Variants in VCAN observed in about 807,000 individuals in gnomAD.
VCAN encodes versican, also known as versican core protein.
A neutral mutation model predicts 245.5 loss-of-function variants in VCAN; 44 were observed. The observed-to-expected ratio is 0.18, with a 90% CI of 0.14 to 0.23. The LOEUF (loss-of-function observed/expected upper bound fraction) is 0.23. Among genes scored for constraint, VCAN ranks in the 10% least tolerant of loss-of-function variants. The probability of loss-of-function intolerance (pLI) is 1.00; values close to 1 mark genes in which losing one functional copy is unlikely to be tolerated. For missense variants in VCAN, 3,793 were observed against 4,057.9 expected (o/e 0.93, Z 1.77); for synonymous variants, 1,413 against 1,437.0 (o/e 0.98, Z 0.38).
chr5:83,576,204 G>A (rs1748469257), intron 13 of VCAN, among the ~76,000 whole-genome samples: 1 of 151,922 alleles, frequency 6.6e-6, no homozygotes, highest in South Asian at 2.1e-4. Context: ...TCCCACCAGA[G>A]ATAATGACTT....
At chr5:83,575,092 A>G (rs756562552) in intron 13 of VCAN, among the ~76,000 whole-genome samples, 2 of 152,218 alleles carry the variant, frequency 1.3e-5, no homozygotes, top group African/African-American at 2.4e-5. Flanking sequence ...CTATTTGATT[A>G]ATTTGTCTTT....
rs1278357645 is a variant in VCAN, at chr5:83,537,653, G to C, written c.4650G>C (p.Glu1550Asp). 1 of 1,613,816 alleles carries C rather than the reference G, an allele frequency of 6.2e-7. No individual in the cohort carries two copies. Among genetic ancestry groups the C allele is most frequent in the East Asian group, 2.2e-5 (1 of 44,844 alleles). ...VSLFPEESSG[E>D]IAIDQESQKI... ...TGTTTCCTGAAGAGTCTTCAGGAGA[G>C]ATTGCCATTGACCAAGAATCTCAGA... Residue 1550 changes from glutamate to aspartate, a missense_variant, in exon 8 of 15, where the codon GAG becomes GAC. Physicochemically the swap from Glu to Asp is conservative, Grantham distance 45. Around this residue, in one of 5 missense-constraint regions of VCAN, gnomAD observed 3,182 missense variants for 3,250.3 expected, o/e 0.98. Coordinates refer to ENST00000265077, the MANE Select transcript of VCAN (RefSeq NM_004385.5).
Position 83,539,786 on chromosome 5 carries a change from A to G in VCAN, c.6783A>G (p.Glu2261=), listed in dbSNP as rs1380981036. The G allele has an allele frequency of 1.2e-6, 2 of 1,613,898 alleles. No homozygotes were observed. Among genetic ancestry groups the G allele is most frequent in the African/African-American group, 2.7e-5 (2 of 74,940 alleles). Residue 2261 remains glutamate, a synonymous_variant, in exon 8 of 15, where the codon GAA becomes GAG. Transcript: ENST00000265077. Reference sequence around the variant, plus strand: ...TCTCTGGACTGGGATCAGGAGAAGAAGTTTTACCTACTCTACCAACAGAGT... The same window carrying G: ...TCTCTGGACTGGGATCAGGAGAAGAGGTTTTACCTACTCTACCAACAGAGT... ...LLFSGLGSGE[E]VLPTLPTESV... is the part of the protein sequence containing the mutation.
chr5:83,548,135 G>A, intron 10 of VCAN, 51 bp downstream of exon 10: 2 of 1,456,432 alleles, frequency 1.4e-6, no homozygotes, highest in Non-Finnish European at 1.9e-6. Flanking sequence ...TTTTTTTTTA[G>A]CAATTTTGGC....
rs1745988739 is a variant in VCAN at position 83,519,532 on chromosome 5, C to T, written c.1226C>T (p.Thr409Ile). 3 of 1,614,010 alleles carry T rather than the reference C, an allele frequency of 1.9e-6. No homozygotes were observed. The highest frequency in any genetic ancestry group is 1.1e-5 in the South Asian group (1 of 91,082). ...ATTGTCAGTTTTGAACAGAAAGCCA[C>T]AGTCCAACCTCAGGCTATCACAGAT... ...GNIVSFEQKA[T>I]VQPQAITDSL... Residue 409 changes from threonine to isoleucine, a missense_variant, in exon 7 of 15, where the codon ACA (threonine) becomes ATA (isoleucine). Thr to Ile is a moderately conservative substitution (Grantham distance 89). This residue lies in a region of VCAN where 3,182 missense variants were observed against 3,250.3 expected (regional missense o/e 0.98). Coordinates refer to ENST00000265077, the MANE Select transcript of VCAN (RefSeq NM_004385.5).
chr5:83,541,019 T>C lies in VCAN; in HGVS notation c.8016T>C (p.Thr2672=), dbSNP rs776687856. ...QLDHMGFHFT[T]GIPAPSTETE... ...ATCACATGGGCTTTCACTTCACAAC[T>C]GGGATCCCTGCTCCTAGCACAGAAA... is the stretch of plus-strand genomic sequence containing the variant. Residue 2672 remains threonine (T), a synonymous_variant, in exon 8 of 15, where the codon ACT becomes ACC. Transcript: ENST00000265077. 6.2e-7 allele frequency: 1 copy of C among 1,614,018 alleles called. No individual in the cohort carries two copies. The highest frequency in any genetic ancestry group is 1.3e-5 in the African/African-American group (1 of 74,996).
rs763936487 is a variant in VCAN at position 83,520,122 on chromosome 5, G to C, written c.1816G>C (p.Val606Leu). The part of the protein sequence containing the change: ...DLESVSASTT[V>L]SPLIMPDNNG... Reference sequence around the variant, plus strand: ...GGAGTCAGTCTCAGCATCCACAACTGTTTCCCCTTTAATTATGCCTGATAA... The same window carrying C: ...GGAGTCAGTCTCAGCATCCACAACTCTTTCCCCTTTAATTATGCCTGATAA... Residue 606 changes from valine to leucine, a missense_variant, in exon 7 of 15, where the codon GTT (valine) becomes CTT (leucine). Val to Leu is a conservative substitution (Grantham distance 32). This residue lies in a region of VCAN where 3,182 missense variants were observed against 3,250.3 expected (regional missense o/e 0.98). Transcript: ENST00000265077. The C allele has an allele frequency of 6.2e-7, 1 of 1,614,034 alleles. No individual in the cohort carries two copies. The highest frequency in any genetic ancestry group is 8.5e-7 in the Non-Finnish European group (1 of 1,179,964).
chr5:83,515,952 G>T (rs995741631), intron 6 of VCAN, among the ~76,000 whole-genome samples: 4 of 152,168 alleles, frequency 2.6e-5, no homozygotes, highest in Admixed American at 6.5e-5. Flanking sequence ...GTTTGAATTG[G>T]CCGGGCGCGG....
Position 83,538,084 on chromosome 5 carries a change from A to G in VCAN, c.5081A>G (p.Glu1694Gly). ...VPATTIYPVS[E>G]QPSAKVVPTK... ...GCAACCACCATTTATCCAGTTTCTGAACAACCTTCTGCAAAAGTGGTGCCT... is the reference window on the plus strand; with the variant it reads ...GCAACCACCATTTATCCAGTTTCTGGACAACCTTCTGCAAAAGTGGTGCCT... The change falls in exon 8 of 15, where the codon GAA (glutamate) becomes GGA (glycine). Residue 1694 changes from glutamate to glycine, a missense_variant. Physicochemically the swap from Glu to Gly is moderately conservative, Grantham distance 98. Around this residue, in one of 5 missense-constraint regions of VCAN, gnomAD observed 3,182 missense variants for 3,250.3 expected, o/e 0.98. Coordinates refer to ENST00000265077, the MANE Select transcript of VCAN (RefSeq NM_004385.5). 6.2e-7 allele frequency: 1 copy of G among 1,614,084 alleles called. No individual in the cohort carries two copies. The highest frequency in any genetic ancestry group is 8.5e-7 in the Non-Finnish European group (1 of 1,179,972).
chr5:83,545,791 G>C (rs369034956), intron 9 of VCAN, 141 bp downstream of exon 9: 3 of 769,794 alleles, frequency 3.9e-6, no homozygotes, highest in Non-Finnish European at 6.8e-6. Context: ...TAAAATCTGA[G>C]GGTAATTAAC....
chr5:83,572,461 G>T lies in VCAN; in HGVS notation c.9781G>T (p.Ala3261Ser), dbSNP rs1748322858. The T allele has an allele frequency of 6.2e-7, 1 of 1,613,804 alleles. No individual in the cohort carries two copies. The highest frequency in any genetic ancestry group is 8.5e-7 in the Non-Finnish European group (1 of 1,179,890). ...RPNQPDSFFS[A>S]GEDCVVIIWH... The stretch of plus-strand genomic sequence containing the variant: ...CAACCAGCCAGACAGCTTCTTTTCT[G>T]CTGGAGAAGACTGTGTTGTAATCAT... Residue 3261 changes from alanine to serine, a missense_variant, in exon 13 of 15, where the codon GCT becomes TCT. Physicochemically the swap from Ala to Ser is moderately conservative, Grantham distance 99 (BLOSUM62 1). Around this residue, in one of 5 missense-constraint regions of VCAN, gnomAD observed 205 missense variants for 321.1 expected, o/e 0.64. Transcript: ENST00000265077.
chr5:83,479,874 G>T (rs77788770), intron 1 of VCAN, among the ~76,000 whole-genome samples: 6 of 152,254 alleles, frequency 3.9e-5, no homozygotes, highest in Non-Finnish European at 7.4e-5. Context: ...AGAAATAAAT[G>T]ATCATCTTTT....
At position 83,520,610 on chromosome 5, in the gene VCAN, A is replaced by C; in HGVS notation, c.2304A>C (p.Glu768Asp). ...AEPTEVRDME[E>D]DFTATPGTTK... is the part of the protein sequence containing the mutation. ...CAACAGAAGTAAGAGATATGGAGGA[A>C]GACTTTACAGCAACTCCAGGTACTA... The change falls in exon 7 of 15, where the codon GAA (glutamate) becomes GAC (aspartate). Residue 768 changes from glutamate (E) to aspartate (D), a missense_variant. Glu to Asp is a conservative substitution (Grantham distance 45). This residue lies in a region of VCAN where 3,182 missense variants were observed against 3,250.3 expected (regional missense o/e 0.98). Transcript: ENST00000265077. 6.2e-7 allele frequency: 1 copy of C among 1,614,026 alleles called. No homozygotes were observed. Among genetic ancestry groups the C allele is most frequent in the Non-Finnish European group, 8.5e-7 (1 of 1,179,982 alleles).
intron 1 of VCAN, among the ~76,000 whole-genome samples, chr5:83,475,495 A>G (rs1744356270): frequency 6.6e-6 from 1 of 152,164 alleles, no homozygotes; most frequent in Non-Finnish European, 1.5e-5. Context: ...AAGTCCTAAA[A>G]TAGGATGTTG....
At position 83,539,843 on chromosome 5, in the gene VCAN, T is replaced by C. The variant is rs770126619; in HGVS notation, c.6840T>C (p.Asn2280=). 1.9e-6 allele frequency: 3 copies of C among 1,614,036 alleles called. No individual in the cohort carries two copies. Among genetic ancestry groups the C allele is most frequent in the Non-Finnish European group, 2.5e-6 (3 of 1,180,000 alleles). ...SVNFTEVEQI[N]NTLYPHTSQV... ...ATTTTACTGAAGTGGAACAAATCAA[T>C]AACACATTATATCCCCACACTTCTC... Residue 2280 remains asparagine (N), a synonymous_variant, in exon 8 of 15, where the codon AAT becomes AAC. Coordinates refer to ENST00000265077, the MANE Select transcript of VCAN (RefSeq NM_004385.5).
chr5:83,560,707 C>T (rs1747833588), intron 12 of VCAN, among the ~76,000 whole-genome samples: 1 of 152,174 alleles, frequency 6.6e-6, no homozygotes, highest in South Asian at 2.1e-4. Context: ...TGACAAACCT[C>T]TCCAACAAGT....
chr5:83,477,615 G>A (rs1298754120), intron 1 of VCAN, among the ~76,000 whole-genome samples: 1 of 152,124 alleles, frequency 6.6e-6, no homozygotes, highest in Non-Finnish European at 1.5e-5. Context: ...ATAAAACCCA[G>A]TGCCATTCTA....
chr5:83,505,686 C>T (rs1745460957), intron 5 of VCAN, among the ~76,000 whole-genome samples: 1 of 152,224 alleles, frequency 6.6e-6, no homozygotes, highest in South Asian at 2.1e-4. Flanking sequence ...CTTTTCACAG[C>T]TCCAGTAGGG....
chr5:83,545,777 AAGT>A, intron 9 of VCAN, 127 bp downstream of exon 9: 1 of 819,640 alleles, frequency 1.2e-6, no homozygotes, highest in Non-Finnish European at 2.1e-6. Context: ...ATGTTAAATG[AAGT>A]TAAAATCTGA....
Sources: gnomAD v4.1 joint callset for allele counts (sites outside exome capture counted in the v4.1 genomes callset) on GRCh38, gnomAD v4.1.1 for gene constraint, gnomAD v4.1.1 regional missense constraint, MANE v1.5 for transcripts, NCBI Gene and HGNC (gene_info 2026-07-23, HGNC 2026-07-21) for gene names.